Variants in FBXW7 observed in about 807,000 individuals in gnomAD.
FBXW7 encodes F-box/WD repeat-containing protein 7.
FBXW7 carries 11 observed loss-of-function variants against 86.3 expected under a neutral mutation model. The observed-to-expected ratio is 0.13, with a 90% CI of 0.08 to 0.21. The LOEUF (loss-of-function observed/expected upper bound fraction) is 0.21, where lower values mean the gene tolerates loss of function less well. Among genes scored for constraint, FBXW7 ranks in the 10% least tolerant of loss-of-function variants. The pLI, the probability that FBXW7 is intolerant of heterozygous loss-of-function variation, is 1.00. For synonymous variants in FBXW7, 313 were observed against 297.9 expected (o/e 1.05, Z -0.52); for missense variants, 488 against 847.4 (o/e 0.58, Z 5.27).
intron 4 of FBXW7, among the ~76,000 whole-genome samples, chr4:152,355,156 A>G (rs1489184409): frequency 2.0e-5 from 3 of 152,112 alleles, no homozygotes; most frequent in Non-Finnish European, 4.4e-5. Context: ...GATCTATTAT[A>G]TTACTGTCAT....
In FBXW7 at chr4:152,479,742, A is replaced by G. The variant is rs181209194; in HGVS notation, c.-120+55199T>C. Among the ~76,000 whole-genome samples, 14 of 152,278 alleles carry G rather than the reference A, an allele frequency of 9.2e-5. No individual in the cohort carries two copies. In the East Asian group the frequency reaches 1.2e-3, roughly 13 times the overall value. ...GAACATGGTATCAGGCTGTCCCATT[A>G]TAAGTGTGACCACTTAGTTCAAGTG... On this transcript the variant is annotated intron_variant, in intron 2 of 13. Coordinates refer to ENST00000281708, the MANE Select transcript of FBXW7 (RefSeq NM_001349798.2).
intron 2 of FBXW7, among the ~76,000 whole-genome samples, chr4:152,466,248 T>C (rs539543624): frequency 6.6e-6 from 1 of 152,218 alleles, no homozygotes; most frequent in East Asian, 1.9e-4. Context: ...AGGAACTAAA[T>C]TGGTACCTTA....
chr4:152,489,591 A>G (rs952879948), intron 2 of FBXW7, among the ~76,000 whole-genome samples: 2 of 152,154 alleles, frequency 1.3e-5, no homozygotes, highest in African/African-American at 4.8e-5. Flanking sequence ...AAACCTCTTC[A>G]AAGTATTGGG....
At chr4:152,443,895 A>G (rs1741130065) in intron 2 of FBXW7, among the ~76,000 whole-genome samples, 1 of 152,200 alleles carries the variant, frequency 6.6e-6, no homozygotes, top group African/African-American at 2.4e-5. Context: ...AGTCTAAGGT[A>G]TAGTAGAAAA....
chr4:152,484,415 G>C lies in FBXW7; in HGVS notation c.-120+50526C>G, dbSNP rs1745164468. Among the ~76,000 whole-genome samples, 2 of 152,080 alleles carry C rather than the reference G, an allele frequency of 1.3e-5. 1 individual carries two copies. Among genetic ancestry groups the C allele is most frequent in the South Asian group, 4.1e-4 (2 of 4,820 alleles). On this transcript the variant is annotated intron_variant, in intron 2 of 13. Coordinates refer to ENST00000281708, the MANE Select transcript of FBXW7 (RefSeq NM_001349798.2). The stretch of plus-strand genomic sequence containing the variant: ...CAGTTCAAATGCACAGTATCTACTT[G>C]AGGGGAAAAAGAGAAGCTCAGATAT...
At chr4:152,532,713 A>G (rs565195000) in intron 2 of FBXW7, among the ~76,000 whole-genome samples, 4 of 152,322 alleles carry the variant, frequency 2.6e-5, no homozygotes, top group East Asian at 1.9e-4. Context: ...ATTCACATCT[A>G]TAAGTTGACA....
At chr4:152,368,645 C>T (rs940961923) in intron 4 of FBXW7, among the ~76,000 whole-genome samples, 5 of 151,898 alleles carry the variant, frequency 3.3e-5, no homozygotes, top group African/African-American at 1.2e-4. Flanking sequence ...TTCTTAATTA[C>T]CAAATTTTGG....
intron 2 of FBXW7, among the ~76,000 whole-genome samples, chr4:152,427,151 GCAAA>G (rs1283462431): frequency 2.6e-5 from 4 of 152,250 alleles, no homozygotes; most frequent in African/African-American, 7.2e-5. Flanking sequence ...TATTTGTGTA[GCAAA>G]CAGAGAGGCC....
At chr4:152,405,973 T>C (rs1487066557) in intron 4 of FBXW7, among the ~76,000 whole-genome samples, 1 of 152,228 alleles carries the variant, frequency 6.6e-6, no homozygotes, top group Non-Finnish European at 1.5e-5. Flanking sequence ...CTAAGGTGAA[T>C]GATCGGAGCT....
chr4:152,530,452 C>A (rs1749928423), intron 2 of FBXW7: 1 of 152,154 alleles, frequency 6.6e-6, no homozygotes, highest in Admixed American at 6.6e-5. Context: ...ATACTTTTGG[C>A]CATGATACAA....
At position 152,382,284 on chromosome 4, in the gene FBXW7, G is replaced by T. The variant is rs1267016242; in HGVS notation, c.501+29019C>A. 4 of 1,602,280 alleles carry T rather than the reference G, an allele frequency of 2.5e-6. No individual in the cohort carries two copies. The Admixed American group carries it at 6.8e-5, about 27-fold the overall frequency. On this transcript the variant is annotated intron_variant, in intron 4 of 13. Coordinates refer to ENST00000281708, the MANE Select transcript of FBXW7 (RefSeq NM_001349798.2). ...GGTAGAGGCTCTTTTGCACTTTTAAGATCAACAGGAACCAAGCCATGGTTT... is the reference window on the plus strand; with the variant it reads ...GGTAGAGGCTCTTTTGCACTTTTAATATCAACAGGAACCAAGCCATGGTTT...
chr4:152,372,137 C>A (rs1303749829), intron 4 of FBXW7, among the ~76,000 whole-genome samples: 1 of 151,934 alleles, frequency 6.6e-6, no homozygotes, highest in African/African-American at 2.4e-5. Flanking sequence ...AATATAAAAG[C>A]TCCAAACTAT....
At chr4:152,384,679 A>G (rs1208955940) in intron 4 of FBXW7, among the ~76,000 whole-genome samples, 3 of 152,092 alleles carry the variant, frequency 2.0e-5, no homozygotes, top group Non-Finnish European at 4.4e-5. Flanking sequence ...ATTAAATTTC[A>G]TGTTATGGAT....
chr4:152,524,067 T>C (rs1351669646), intron 2 of FBXW7, among the ~76,000 whole-genome samples: 2 of 152,216 alleles, frequency 1.3e-5, no homozygotes, highest in Admixed American at 6.5e-5. Flanking sequence ...TTTCTTATTA[T>C]TGCAGCAGCT....
intron 2 of FBXW7, among the ~76,000 whole-genome samples, chr4:152,516,546 AATACC>A (rs1413847323): frequency 1.3e-5 from 2 of 152,224 alleles, no homozygotes; most frequent in African/African-American, 4.8e-5. Flanking sequence ...ATGGAAAACT[AATACC>A]ATACAGATGA....
intron 4 of FBXW7, among the ~76,000 whole-genome samples, chr4:152,389,749 A>G (rs1476576297): frequency 6.6e-6 from 1 of 152,018 alleles, no homozygotes; most frequent in African/African-American, 2.4e-5. Flanking sequence ...GTACCCCTTA[A>G]ATTTATACCA....
chr4:152,396,071 T>C (rs1736395380), intron 4 of FBXW7, among the ~76,000 whole-genome samples: 1 of 152,022 alleles, frequency 6.6e-6, no homozygotes, highest in Admixed American at 6.6e-5. Flanking sequence ...ATTAACTTTC[T>C]GGACCCTATG....
chr4:152,420,885 C>T (rs1326267439), intron 2 of FBXW7, among the ~76,000 whole-genome samples: 1 of 152,176 alleles, frequency 6.6e-6, no homozygotes, highest in African/African-American at 2.4e-5. Context: ...CCAATGAGCA[C>T]TGGCTTCCAC....
At chr4:152,333,662 C>A (rs938025568) in intron 7 of FBXW7, among the ~76,000 whole-genome samples, 11 of 152,070 alleles carry the variant, frequency 7.2e-5, no homozygotes, top group African/African-American at 2.7e-4. Flanking sequence ...GGTCAAGGGT[C>A]ACACAGGGAG....
Sources: gnomAD v4.1 joint callset for allele counts (sites outside exome capture counted in the v4.1 genomes callset) on GRCh38, gnomAD v4.1.1 for gene constraint, MANE v1.5 for transcripts, NCBI Gene and HGNC (gene_info 2026-07-23, HGNC 2026-07-21) for gene names.